Variants in ALG10B observed in about 807,000 individuals in gnomAD.
ALG10B encodes dol-P-Glc:Glc(2)Man(9)GlcNAc(2)-PP-Dol alpha-1,2-glucosyltransferase B.
A neutral mutation model predicts 38.7 loss-of-function variants in ALG10B; 27 were observed. The observed-to-expected ratio is 0.70, with a 90% CI of 0.51 to 0.96. ALG10B has a LOEUF of 0.96. Ranked by LOEUF, ALG10B falls within the 40% of genes least tolerant of loss-of-function variation. The pLI is 0.00. For synonymous variants in ALG10B, 177 were observed against 193.3 expected (o/e 0.92, Z 0.70); for missense variants, 522 against 542.7 (o/e 0.96, Z 0.38).
chr12:38,317,340 C>T (rs1300497037), intron 1 of ALG10B: 6 of 525,648 alleles, frequency 1.1e-5, no homozygotes, highest in African/African-American at 1.9e-5. Context: ...CTGACAATAT[C>T]GATCCCACTT....
intron 1 of ALG10B, 82 bp from the exon 2 acceptor site, chr12:38,318,179 G>T: frequency 6.5e-7 from 1 of 1,532,104 alleles, no homozygotes. Context: ...TGTTGCTGGA[G>T]ATGAGACTTG....
upstream of ALG10B, chr12:38,316,705 C>T: frequency 1.1e-6 from 1 of 886,060 alleles, no homozygotes; most frequent in Non-Finnish European, 1.8e-6. Context: ...CTAAACCCGT[C>T]ACTCCAGGAA....
rs150044231 is a variant in ALG10B, at chr12:38,321,143, C to T, written c.1352C>T (p.Thr451Ile). ...LSCYAIVNFI[T>I]FYIFLNKTFQ... ...TGCTATGCAATTGTTAATTTCATAA[C>T]TTTTTACATCTTTCTGAACAAGACT... The change falls in exon 3 of 3, where the codon ACT becomes ATT. Residue 451 changes from threonine to isoleucine, a missense_variant. Physicochemically the swap from Thr to Ile is moderately conservative, Grantham distance 89. Transcript: ENST00000308742. 877 of 1,613,000 alleles carry T rather than the reference C, an allele frequency of 5.4e-4. No individual in the cohort carries two copies. The highest frequency in any genetic ancestry group is 8.3e-4 in the Middle Eastern group (5 of 6,056).
rs760534989 is a variant in ALG10B, at chr12:38,321,249, A to C, written c.*36A>C. ...ATTTTGAACTGTAAAAATGGACTTA[A>C]TAATTAGACCATTTCTACAAAGAAC... On this transcript the variant is annotated 3_prime_UTR_variant, in exon 3 of 3. Coordinates refer to ENST00000308742, the MANE Select transcript of ALG10B (RefSeq NM_001013620.4). 6.3e-7 allele frequency: 1 copy of C among 1,585,964 alleles called. No homozygotes were observed. Among genetic ancestry groups the C allele is most frequent in the South Asian group, 1.1e-5 (1 of 87,854 alleles).
Position 38,329,463 on chromosome 12 carries a change from C to T in ALG10B, c.*8250C>T. ...GAAGCAAATTGTTGGTTTAACAGGA[C>T]ATACTTTAGATATTTGAAAAATTCT... On this transcript the variant is annotated 3_prime_UTR_variant, in exon 3 of 3. Coordinates refer to ENST00000308742, the MANE Select transcript of ALG10B (RefSeq NM_001013620.4). The T allele has an allele frequency of 2.9e-6, 1 of 347,498 alleles. No homozygotes were observed. The highest frequency in any genetic ancestry group is 5.0e-6 in the Non-Finnish European group (1 of 199,650). The allele number at this position is 347,498 out of a possible 1,614,324, so 21.5% of individuals were successfully genotyped here. A position where few individuals can be genotyped will look rare whatever the true frequency, so the allele number is the denominator to read the frequency against.
intron 2 of ALG10B, among the ~76,000 whole-genome samples, chr12:38,318,765 G>A (rs1024627891): frequency 6.6e-6 from 1 of 152,208 alleles, no homozygotes; most frequent in Non-Finnish European, 1.5e-5. Context: ...AAATGAGGCA[G>A]TCTTTTTCTT....
At position 38,322,982 on chromosome 12, in the gene ALG10B, A is replaced by G. The variant is rs1945715642; in HGVS notation, c.*1769A>G. Reference sequence around the variant, plus strand: ...CTGAATAGTATTTTTTTGTATATATATGCCACATTTTCTTTATCCATTCAT... The same window carrying G: ...CTGAATAGTATTTTTTTGTATATATGTGCCACATTTTCTTTATCCATTCAT... On this transcript the variant is annotated 3_prime_UTR_variant, in exon 3 of 3. Transcript: ENST00000308742. The G allele has an allele frequency of 6.6e-6, 1 of 152,184 alleles. No individual in the cohort carries two copies. Among genetic ancestry groups the G allele is most frequent in the South Asian group, 2.1e-4 (1 of 4,836 alleles). 9.4% of individuals were successfully genotyped at this position (152,184 alleles called of 1,614,324 possible).
chr12:38,316,841 G>T lies in ALG10B; in HGVS notation c.-53G>T. 6.2e-7 allele frequency: 1 copy of T among 1,613,566 alleles called. No homozygotes were observed. The highest frequency in any genetic ancestry group is 1.7e-4 in the Middle Eastern group (1 of 5,796). On this transcript the variant is annotated 5_prime_UTR_variant, in exon 1 of 3. Coordinates refer to ENST00000308742, the MANE Select transcript of ALG10B (RefSeq NM_001013620.4). The stretch of plus-strand genomic sequence containing the variant: ...GCCCAAGTTTCCAGCTCGGGTTTCC[G>T]GGCTCAGAATTTTCCAGGAGTGGGT...
rs913501258 is a variant in ALG10B at position 38,322,391 on chromosome 12, G to A, written c.*1178G>A. The A allele has an allele frequency of 1.3e-5, 2 of 152,084 alleles. No homozygotes were observed. Among genetic ancestry groups the A allele is most frequent in the African/African-American group, 4.8e-5 (2 of 41,410 alleles). 9.4% of individuals were successfully genotyped at this position (152,084 alleles called of 1,614,324 possible). Reference sequence around the variant, plus strand: ...TTCTGAGTAGACATTGTCTCTTCATGGGATACTTTTCAGTCCATGACAGTT... The same window carrying A: ...TTCTGAGTAGACATTGTCTCTTCATAGGATACTTTTCAGTCCATGACAGTT... On this transcript the variant is annotated 3_prime_UTR_variant, in exon 3 of 3. Transcript: ENST00000308742.
chr12:38,328,481 T>G lies in ALG10B; in HGVS notation c.*7268T>G, dbSNP rs1458082577. 13 of 152,162 alleles carry G rather than the reference T, an allele frequency of 8.5e-5. No individual in the cohort carries two copies. The highest frequency in any genetic ancestry group is 3.1e-4 in the African/African-American group (13 of 41,452). The allele number at this position is 152,162 out of a possible 1,614,324, so 9.4% of individuals were successfully genotyped here. A position where few individuals can be genotyped will look rare whatever the true frequency, so the allele number is the denominator to read the frequency against. The stretch of plus-strand genomic sequence containing the variant: ...AGTGATAAAAAAAGGCTGAGCACTA[T>G]CTGTAAAAATTTTTAAGGTGTCCAC... On this transcript the variant is annotated 3_prime_UTR_variant, in exon 3 of 3. Transcript: ENST00000308742.
chr12:38,317,964 A>G, intron 1 of ALG10B: 1 of 411,760 alleles, frequency 2.4e-6, no homozygotes, highest in Admixed American at 3.8e-5. Context: ...TAAAAACTGG[A>G]GCATTTGCAG....
At position 38,327,213 on chromosome 12, in the gene ALG10B, G is replaced by GGAGT. The variant is rs1945752735; in HGVS notation, c.*6000_*6001insGAGT. The stretch of plus-strand genomic sequence containing the variant: ...TGCCTCAAGTGATCCTCCCACCTTG[G>GGAGT]CCTCCCAAAGTGCTAGGATTTACAA... On this transcript the variant is annotated 3_prime_UTR_variant, in exon 3 of 3. Coordinates refer to ENST00000308742, the MANE Select transcript of ALG10B (RefSeq NM_001013620.4). 6 of 150,928 alleles carry GGAGT rather than the reference G, an allele frequency of 4.0e-5. No individual in the cohort carries two copies. The highest frequency in any genetic ancestry group is 3.3e-4 in the Admixed American group (5 of 15,164). The allele number at this position is 150,928 out of a possible 1,614,324, so 9.3% of individuals were successfully genotyped here.
In ALG10B at chr12:38,316,942, T is replaced by G; in HGVS notation, c.49T>G (p.Phe17Val). The G allele has an allele frequency of 1.2e-6, 2 of 1,614,192 alleles. No homozygotes were observed. Among genetic ancestry groups the G allele is most frequent in the East Asian group, 2.2e-5 (1 of 44,866 alleles). The change falls in exon 1 of 3, where the codon TTT becomes GTT. Residue 17 changes from phenylalanine to valine, a missense_variant. Phe to Val is a conservative substitution (Grantham distance 50, BLOSUM62 -1). Coordinates refer to ENST00000308742, the MANE Select transcript of ALG10B (RefSeq NM_001013620.4). Reference protein sequence around the residue: ...YCFSAALSCTFLVSCLLFSAF... With the variant: ...YCFSAALSCTVLVSCLLFSAF... Reference sequence around the variant, plus strand: ...TTTCTCGGCCGCCTTGAGCTGTACCTTTTTAGTGTCCTGCCTCCTCTTCTC... The same window carrying G: ...TTTCTCGGCCGCCTTGAGCTGTACCGTTTTAGTGTCCTGCCTCCTCTTCTC...
In ALG10B at chr12:38,322,858, G is replaced by A. The variant is rs1459726918; in HGVS notation, c.*1645G>A. 1.3e-5 allele frequency: 2 copies of A among 152,044 alleles called. No individual in the cohort carries two copies. Among genetic ancestry groups the A allele is most frequent in the East Asian group, 3.9e-4 (2 of 5,184 alleles). 9.4% of individuals were successfully genotyped at this position (152,044 alleles called of 1,614,324 possible). ...ATTACACAAATAAGTGAGATCATGT[G>A]GTATTTGTCTTTCTGTGCTTGGCTT... is the stretch of plus-strand genomic sequence containing the variant. On this transcript the variant is annotated 3_prime_UTR_variant, in exon 3 of 3. Transcript: ENST00000308742.
rs904761756 is a variant in ALG10B, at chr12:38,329,496, A to G, written c.*8283A>G. 4 of 322,432 alleles carry G rather than the reference A, an allele frequency of 1.2e-5. No individual in the cohort carries two copies. Among genetic ancestry groups the G allele is most frequent in the Non-Finnish European group, 2.2e-5 (4 of 179,456 alleles). 20.0% of individuals were successfully genotyped at this position (322,432 alleles called of 1,614,324 possible). Reference sequence around the variant, plus strand: ...AGATATTTGAAAAATTCTCTGTGGAATCACAATCTCTTATTTTTAAGAATG... The same window carrying G: ...AGATATTTGAAAAATTCTCTGTGGAGTCACAATCTCTTATTTTTAAGAATG... On this transcript the variant is annotated 3_prime_UTR_variant, in exon 3 of 3. Transcript: ENST00000308742.
chr12:38,316,767 C>G, upstream of ALG10B: 4 of 1,514,632 alleles, frequency 2.6e-6, no homozygotes, highest in Non-Finnish European at 3.7e-6. Flanking sequence ...CCTTTGCCTT[C>G]CGGTATGTGG....
rs1487517509 is a variant in ALG10B at position 38,321,827 on chromosome 12, ATTG to A, written c.*617_*619del. The stretch of plus-strand genomic sequence containing the variant: ...CTGTCTAGGCATCAAATTGTTGGTT[ATTG>A]TTTACAATCCAGAAATGATGAAGCT... On this transcript the variant is annotated 3_prime_UTR_variant, in exon 3 of 3. Coordinates refer to ENST00000308742, the MANE Select transcript of ALG10B (RefSeq NM_001013620.4). 6.6e-6 allele frequency: 1 copy of A among 152,662 alleles called. No homozygotes were observed. The highest frequency in any genetic ancestry group is 1.5e-5 in the Non-Finnish European group (1 of 68,036). 9.5% of individuals were successfully genotyped at this position (152,662 alleles called of 1,614,324 possible).
Position 38,323,683 on chromosome 12 carries a change from T to C in ALG10B, c.*2470T>C. 1 of 527,970 alleles carries C rather than the reference T, an allele frequency of 1.9e-6. No individual in the cohort carries two copies. The highest frequency in any genetic ancestry group is 3.4e-6 in the Non-Finnish European group (1 of 297,730). 32.7% of individuals were successfully genotyped at this position (527,970 alleles called of 1,614,324 possible). ...AGGCCATTTTTTGGTTGTACTCTAG[T>C]ACTCAGAAAATAGATCGGCATTAGT... On this transcript the variant is annotated 3_prime_UTR_variant, in exon 3 of 3. Transcript: ENST00000308742.
At position 38,326,998 on chromosome 12, in the gene ALG10B, G is replaced by T. The variant is rs1261592133; in HGVS notation, c.*5785G>T. 1 of 148,590 alleles carries T rather than the reference G, an allele frequency of 6.7e-6. No individual in the cohort carries two copies. The highest frequency in any genetic ancestry group is 2.1e-4 in the South Asian group (1 of 4,766). 9.2% of individuals were successfully genotyped at this position (148,590 alleles called of 1,614,324 possible). On this transcript the variant is annotated 3_prime_UTR_variant, in exon 3 of 3. Transcript: ENST00000308742. ...CACCATCAGACCAAAAGACAATACA[G>T]TATTTTTCTAACAAGGAAAAGAAAA...
Sources: allele counts gnomAD v4.1 joint callset (sites outside exome capture counted in the v4.1 genomes callset), GRCh38; gene constraint gnomAD v4.1.1; transcripts MANE v1.5; gene names NCBI Gene and HGNC (gene_info 2026-07-23, HGNC 2026-07-21).